Variants in IVNS1ABP observed in about 807,000 individuals in gnomAD.
IVNS1ABP encodes influenza virus NS1A-binding protein.
IVNS1ABP carries 25 observed loss-of-function variants against 78.9 expected under a neutral mutation model. The observed-to-expected ratio is 0.32, with a 90% confidence interval of 0.23 to 0.44. The LOEUF is 0.44. IVNS1ABP is among the 20% of genes least tolerant of loss of function. The pLI, the probability that IVNS1ABP is intolerant of heterozygous loss-of-function variation, is 1.00. For missense variants in IVNS1ABP, 494 were observed against 768.9 expected (o/e 0.64, Z 4.23); for synonymous variants, 241 against 259.7 (o/e 0.93, Z 0.69).
Position 185,307,660 on chromosome 1 carries a change from A to T in IVNS1ABP, c.360T>A (p.Val120=), listed in dbSNP as rs1032222102. The T allele has an allele frequency of 1.2e-6, 2 of 1,610,936 alleles. No individual in the cohort carries two copies. The highest frequency in any genetic ancestry group is 2.7e-5 in the African/African-American group (2 of 74,728). The change falls in exon 6 of 15, where the codon GTT becomes GTA. Residue 120 remains valine (V), a splice_region_variant and synonymous_variant. Transcript: ENST00000367498. The part of the protein sequence containing the change: ...KKLKMDRVKQ[V]CGDYLLSRMD... Reference sequence around the variant, plus strand: ...TTCTAGACAGTAAATAATCACCACAAACCTTGGAAAAGAAATATATGAGTG... The same window carrying T: ...TTCTAGACAGTAAATAATCACCACATACCTTGGAAAAGAAATATATGAGTG...
intron 8 of IVNS1ABP, among the ~76,000 whole-genome samples, chr1:185,304,665 A>G (rs895758846): frequency 3.3e-5 from 5 of 152,188 alleles, no homozygotes; most frequent in Admixed American, 3.3e-4. Context: ...TTTTTCAAGC[A>G]TAGCCAAACT....
chr1:185,313,135 T>C (rs1400591816), intron 1 of IVNS1ABP, among the ~76,000 whole-genome samples: 4 of 152,178 alleles, frequency 2.6e-5, no homozygotes, highest in African/African-American at 9.7e-5. Context: ...TAAAATTTAT[T>C]TTGGAAAAAA....
At position 185,300,246 on chromosome 1, in the gene IVNS1ABP, G is replaced by A. The variant is rs1432662498; in HGVS notation, c.1340C>T (p.Pro447Leu). 1.2e-6 allele frequency: 2 copies of A among 1,613,102 alleles called. No homozygotes were observed. Among genetic ancestry groups the A allele is most frequent in the African/African-American group, 2.7e-5 (2 of 74,854 alleles). Residue 447 changes from proline to leucine, a missense_variant, in exon 12 of 15, where the codon CCA becomes CTA. Transcript: ENST00000367498. ...DSNIDDWIPV[P>L]ELRTNRCNAG... ...ATTACAACGGTTAGTTCTCAATTCT[G>A]GAACAGGAATCCAGTCATCTATGTT...
chr1:185,313,717 A>C (rs961840843), intron 1 of IVNS1ABP, among the ~76,000 whole-genome samples: 1 of 152,230 alleles, frequency 6.6e-6, no homozygotes, highest in Non-Finnish European at 1.5e-5. Flanking sequence ...GACATCCCAG[A>C]GTCATATAAG....
Position 185,298,566 on chromosome 1 carries a change from A to G in IVNS1ABP, c.1676-278T>C, listed in dbSNP as rs1665483967. The G allele has an allele frequency of 4.6e-6, 2 of 430,546 alleles. No individual in the cohort carries two copies. The highest frequency in any genetic ancestry group is 4.2e-6 in the Non-Finnish European group (1 of 240,434). The allele number at this position is 430,546 out of a possible 1,614,324, so 26.7% of individuals were successfully genotyped here. On this transcript the variant is annotated intron_variant, in intron 14 of 14. Transcript: ENST00000367498. The surrounding 1 kb of genome is among the most constrained non-coding windows in gnomAD (Gnocchi z 4.1). ...ATCTAAATAAGTACAATTTTCACCA[A>G]CTCTGTGGTAGTTACTATTATTATT...
rs754829465 is a variant in IVNS1ABP at position 185,308,776 on chromosome 1, TTTTA to T, written c.357+20_357+23del. 15 of 1,547,544 alleles carry T rather than the reference TTTTA, an allele frequency of 9.7e-6. No homozygotes were observed. The highest frequency in any genetic ancestry group is 1.9e-4 in the Middle Eastern group (1 of 5,354). On this transcript the variant is annotated intron_variant, in intron 5 of 14. Transcript: ENST00000367498. ...ACACAAAATAAGACTCCATAAATGA[TTTTA>T]TTTACTTCTGATACTCTACCTGCTT...
intron 1 of IVNS1ABP, among the ~76,000 whole-genome samples, chr1:185,313,232 T>A (rs576796210): frequency 6.6e-6 from 1 of 152,244 alleles, no homozygotes; most frequent in Non-Finnish European, 1.5e-5. Context: ...AATATTATTA[T>A]GAGTTTTGCA....
chr1:185,298,220 T>C lies in IVNS1ABP; in HGVS notation c.1744A>G (p.Thr582Ala). ...CCCATCATCTTCCATTCATTTCTAGTTGGATCATACATTTCCACACAACTG... is the reference window on the plus strand; with the variant it reads ...CCCATCATCTTCCATTCATTTCTAGCTGGATCATACATTTCCACACAACTG... ...AISCVEMYDP[T>A]RNEWKMMGNM... Residue 582 changes from threonine to alanine, a missense_variant, in exon 15 of 15, where the codon ACT becomes GCT. Thr to Ala is a moderately conservative substitution (Grantham distance 58). Transcript: ENST00000367498. The surrounding 1 kb of genome is among the most constrained non-coding windows in gnomAD (Gnocchi z 4.1). 1.2e-6 allele frequency: 2 copies of C among 1,613,764 alleles called. No individual in the cohort carries two copies. Among genetic ancestry groups the C allele is most frequent in the Non-Finnish European group, 1.7e-6 (2 of 1,179,804 alleles).
chr1:185,299,561 C>T, intron 14 of IVNS1ABP, 149 bp downstream of exon 14: 2 of 733,950 alleles, frequency 2.7e-6, no homozygotes, highest in Non-Finnish European at 4.7e-6. Context: ...TTCTAAAGGA[C>T]AAATCACCCT....
Position 185,298,342 on chromosome 1 carries a change from A to T in IVNS1ABP, c.1676-54T>A. On this transcript the variant is annotated intron_variant, in intron 14 of 14. Transcript: ENST00000367498. This position sits in a 1 kb window ranked among gnomAD's most constrained non-coding sequence, Gnocchi z 4.1. The stretch of plus-strand genomic sequence containing the variant: ...CAGAGATTAAAGTGTAATAAGGTAA[A>T]ACTCCCCTAAATCTGTCTTTTGCTT... The T allele has an allele frequency of 6.7e-7, 1 of 1,502,600 alleles. No homozygotes were observed. Among genetic ancestry groups the T allele is most frequent in the South Asian group, 1.2e-5 (1 of 82,168 alleles). 93.1% of individuals were successfully genotyped at this position (1,502,600 alleles called of 1,614,324 possible).
intron 1 of IVNS1ABP, among the ~76,000 whole-genome samples, chr1:185,314,096 C>G (rs1404946391): frequency 1.3e-5 from 2 of 152,154 alleles, no homozygotes; most frequent in African/African-American, 4.8e-5. Context: ...CAGCTCCCAC[C>G]AAGTAGCCAT....
At position 185,298,162 on chromosome 1, in the gene IVNS1ABP, A is replaced by G. The variant is rs113056313; in HGVS notation, c.1802T>C (p.Ile601Thr). Residue 601 changes from isoleucine to threonine, a missense_variant, in exon 15 of 15, where the codon ATT becomes ACT. Physicochemically the swap from Ile to Thr is moderately conservative, Grantham distance 89. Transcript: ENST00000367498. The surrounding 1 kb of genome is among the most constrained non-coding windows in gnomAD (Gnocchi z 4.1). Reference sequence around the variant, plus strand: ...ATAAATGGTGTTCCCTACAGTTGCAATCCCAGCATTGCTCCTTGGTGAAGT... The same window carrying G: ...ATAAATGGTGTTCCCTACAGTTGCAGTCCCAGCATTGCTCCTTGGTGAAGT... ...NMTSPRSNAG[I>T]ATVGNTIYAV... The G allele has an allele frequency of 1.2e-6, 2 of 1,613,860 alleles. No individual in the cohort carries two copies. Among genetic ancestry groups the G allele is most frequent in the Admixed American group, 1.7e-5 (1 of 60,004 alleles).
intron 9 of IVNS1ABP, 118 bp downstream of exon 9, chr1:185,301,316 A>C: frequency 6.9e-7 from 1 of 1,455,676 alleles, no homozygotes; most frequent in Admixed American, 1.8e-5. Context: ...TCGTTTTCCA[A>C]ATTTAATTGC....
intron 8 of IVNS1ABP, among the ~76,000 whole-genome samples, chr1:185,303,257 T>C (rs1161825769): frequency 1.3e-5 from 2 of 152,126 alleles, no homozygotes; most frequent in African/African-American, 4.8e-5. Context: ...AAGCCTAATA[T>C]AGAAATGCTG....
intron 8 of IVNS1ABP, among the ~76,000 whole-genome samples, chr1:185,302,032 T>C (rs533418994): frequency 5.9e-5 from 9 of 152,232 alleles, no homozygotes; most frequent in Admixed American, 4.6e-4. Flanking sequence ...TAAGCAGATA[T>C]AGATTCATCC....
chr1:185,312,355 A>G (rs1665910606), intron 1 of IVNS1ABP, among the ~76,000 whole-genome samples: 1 of 152,252 alleles, frequency 6.6e-6, no homozygotes, highest in Non-Finnish European at 1.5e-5. Context: ...GGAAACCAGA[A>G]CTAAGGAATA....
At position 185,301,563 on chromosome 1, in the gene IVNS1ABP, T is replaced by C; in HGVS notation, c.766A>G (p.Lys256Glu). 1 of 1,612,770 alleles carries C rather than the reference T, an allele frequency of 6.2e-7. No homozygotes were observed. The highest frequency in any genetic ancestry group is 8.5e-7 in the Non-Finnish European group (1 of 1,179,086). ...TGGCCATTCTCACGTGGTGGCTTTT[T>C]CTGCAAAATCAAAAGGTAGCTACAG... is the stretch of plus-strand genomic sequence containing the variant. ...SDDDHIQFVQ[K>E]KPPRENGHKQ... Residue 256 changes from lysine (K) to glutamate (E), a missense_variant and splice_region_variant, in exon 9 of 15, where the codon AAA (lysine) becomes GAA (glutamate). Physicochemically the swap from Lys to Glu is moderately conservative, Grantham distance 56. Transcript: ENST00000367498.
At position 185,296,947 on chromosome 1, in the gene IVNS1ABP, C is replaced by A. The variant is rs1036174963; in HGVS notation, c.*1088G>T. 4.5e-4 allele frequency: 68 copies of A among 152,210 alleles called. No individual in the cohort carries two copies. Among genetic ancestry groups the A allele is most frequent in the African/African-American group, 1.6e-3 (66 of 41,544 alleles). 9.4% of individuals were successfully genotyped at this position (152,210 alleles called of 1,614,324 possible). A position where few individuals can be genotyped will look rare whatever the true frequency, so the allele number is the denominator to read the frequency against. On this transcript the variant is annotated 3_prime_UTR_variant, in exon 15 of 15. Transcript: ENST00000367498. ...ACCTTTAATGTGTTTAAATCAGCAGCAAGCATTAGGACATGCTATTTTGGC... is the reference window on the plus strand; with the variant it reads ...ACCTTTAATGTGTTTAAATCAGCAGAAAGCATTAGGACATGCTATTTTGGC...
intron 8 of IVNS1ABP, among the ~76,000 whole-genome samples, chr1:185,304,249 C>T (rs939671100): frequency 6.6e-6 from 1 of 152,122 alleles, no homozygotes; most frequent in Non-Finnish European, 1.5e-5. Flanking sequence ...GTCTCTTACA[C>T]ATTTTTGTGT....
Sources: allele counts gnomAD v4.1 joint callset (sites outside exome capture counted in the v4.1 genomes callset), GRCh38; gene constraint gnomAD v4.1.1; non-coding constraint Gnocchi (gnomAD v3.1); transcripts MANE v1.5; gene names NCBI Gene and HGNC (gene_info 2026-07-23, HGNC 2026-07-21).